DCAF6: variants seen among roughly 807,000 people sequenced by gnomAD.
DCAF6 encodes DDB1 and CUL4 associated factor 6, also known as DDB1- and CUL4-associated factor 6.
DCAF6 carries 54 observed loss-of-function variants against 125.1 expected under a neutral mutation model. The observed-to-expected ratio is 0.43, with a 90% CI of 0.35 to 0.54. DCAF6 has a LOEUF of 0.54. Among genes scored for constraint, DCAF6 ranks in the 20% least tolerant of loss-of-function variants. The pLI is 0.01. For missense variants in DCAF6, 934 were observed against 1,161.7 expected (o/e 0.80, Z 2.85); for synonymous variants, 371 against 390.4 (o/e 0.95, Z 0.58).
Position 167,937,030 on chromosome 1 carries a change from G to T in DCAF6, c.97+22G>T, listed in dbSNP as rs541832530. ...CTGGGTGAGCGGGGGCCCCGGGGCGGAGGCGCTGAGGTCGCCGCCTAGAGT... is the reference window on the plus strand; with the variant it reads ...CTGGGTGAGCGGGGGCCCCGGGGCGTAGGCGCTGAGGTCGCCGCCTAGAGT... On this transcript the variant is annotated intron_variant, in intron 1 of 21. Coordinates refer to ENST00000367840, the MANE Select transcript of DCAF6 (RefSeq NM_001198956.2). 603 of 1,589,234 alleles carry T rather than the reference G, an allele frequency of 3.8e-4. 7 individuals carry two copies. The South Asian group carries it at 6.5e-3, about 17-fold the overall frequency.
chr1:168,063,542 C>T, intron 17 of DCAF6, 79 bp from the exon 18 acceptor site: 3 of 1,229,950 alleles, frequency 2.4e-6, no homozygotes, highest in Non-Finnish European at 3.2e-6. Flanking sequence ...CCTAGACTTA[C>T]TATATTTTCA....
At chr1:168,015,657 A>G in intron 10 of DCAF6, 124 bp from the exon 11 acceptor site, 3 of 794,192 alleles carry the variant, frequency 3.8e-6, no homozygotes. Flanking sequence ...TAATTTGTTT[A>G]TAGTATTCCT....
intron 11 of DCAF6, 64 bp downstream of exon 11, chr1:168,016,015 A>G: frequency 1.6e-6 from 2 of 1,288,870 alleles, no homozygotes; most frequent in Non-Finnish European, 2.0e-6. Context: ...CTACTGTGTA[A>G]TAAGGTGCTT....
chr1:167,985,214 GT>G (rs1679813738), intron 4 of DCAF6, among the ~76,000 whole-genome samples: 1 of 148,328 alleles, frequency 6.7e-6, no homozygotes, highest in Non-Finnish European at 1.5e-5. Flanking sequence ...TGTGTGTGGT[GT>G]GTGTGTGTGT....
the DCAF6 span, chr1:167,918,268 C>A: frequency 7.2e-7 from 1 of 1,381,706 alleles, no homozygotes. Context: ...AAATAATAAA[C>A]TAGGTCCCAA....
At chr1:168,070,497 T>TA (rs1692892347) in intron 21 of DCAF6, among the ~76,000 whole-genome samples, 1 of 152,184 alleles carries the variant, frequency 6.6e-6, no homozygotes, top group African/African-American at 2.4e-5. Context: ...AGGGAATAGA[T>TA]ACGGACAGTT....
intron 17 of DCAF6, chr1:168,056,277 G>C (rs570528395): frequency 6.2e-7 from 1 of 1,610,484 alleles, no homozygotes; most frequent in South Asian, 1.1e-5. Context: ...TTTACGCACC[G>C]AGAGCAGAGC....
upstream of DCAF6, among the ~76,000 whole-genome samples, chr1:167,934,618 T>C (rs1671011807): frequency 2.0e-5 from 3 of 152,240 alleles, no homozygotes. Flanking sequence ...AAATCAGATT[T>C]AGTAACCAGT....
At chr1:167,932,243 T>C (rs185499835), upstream of DCAF6, among the ~76,000 whole-genome samples, 30 of 152,288 alleles carry the variant, frequency 2.0e-4, no homozygotes, top group African/African-American at 7.0e-4. Flanking sequence ...AATTTGAGTA[T>C]ACATCCTGTT....
rs1461009048 is a variant in DCAF6 at position 168,015,909 on chromosome 1, C to G, written c.1507C>G (p.Gln503Glu). The change falls in exon 11 of 22, where the codon CAG (glutamine) becomes GAG (glutamate). Residue 503 changes from glutamine (Q) to glutamate (E), a missense_variant. By Grantham distance (29) the Gln-to-Glu change is conservative. Transcript: ENST00000367840. The part of the protein sequence containing the change: ...HTQQQPSTSD[Q>E]SSHEGSSQDP... ...CCAGCAACAGCCTTCCACTTCTGAT[C>G]AGTCTTCTCATGAGGGCTCTTCACA... 1 of 1,539,092 alleles carries G rather than the reference C, an allele frequency of 6.5e-7. No homozygotes were observed. The highest frequency in any genetic ancestry group is 8.8e-7 in the Non-Finnish European group (1 of 1,141,262).
At chr1:167,983,389 C>T (rs1258970802) in intron 4 of DCAF6, among the ~76,000 whole-genome samples, 4 of 152,130 alleles carry the variant, frequency 2.6e-5, no homozygotes, top group Admixed American at 2.6e-4. Context: ...AATCTGCATT[C>T]TTTTTCAGGT....
intron 2 of DCAF6, among the ~76,000 whole-genome samples, chr1:167,954,347 G>A (rs1390717942): frequency 6.6e-6 from 1 of 151,910 alleles, no homozygotes; most frequent in African/African-American, 2.4e-5. Flanking sequence ...CACTTCAGCT[G>A]GTAAGACTGT....
At chr1:167,961,134 C>G (rs964851155) in intron 2 of DCAF6, among the ~76,000 whole-genome samples, 1 of 152,044 alleles carries the variant, frequency 6.6e-6, no homozygotes, top group Non-Finnish European at 1.5e-5. Flanking sequence ...AATTCAAATT[C>G]CACTTGTTCA....
intron 2 of DCAF6, among the ~76,000 whole-genome samples, chr1:167,954,174 T>G (rs779397634): frequency 4.0e-5 from 6 of 151,868 alleles, no homozygotes; most frequent in Non-Finnish European, 2.9e-5. Flanking sequence ...CCTGGCTAAT[T>G]TTTGAATTTC....
At chr1:168,029,811 TCTATGAAAAACA>T (rs772458678) in intron 12 of DCAF6, among the ~76,000 whole-genome samples, 19 of 151,828 alleles carry the variant, frequency 1.3e-4, no homozygotes, top group Admixed American at 7.9e-4. Flanking sequence ...AAACCCCGTC[TCTATGAAAAACA>T]CAAAAAATTA....
chr1:167,993,579 G>A lies in DCAF6; in HGVS notation c.903+139G>A, dbSNP rs184116384. The A allele has an allele frequency of 1.6e-5, 10 of 639,416 alleles. No homozygotes were observed. In the Admixed American group the frequency reaches 1.8e-4, roughly 11 times the overall value. The allele number at this position is 639,416 out of a possible 1,614,324, so 39.6% of individuals were successfully genotyped here. On this transcript the variant is annotated intron_variant, in intron 7 of 21. Coordinates refer to ENST00000367840, the MANE Select transcript of DCAF6 (RefSeq NM_001198956.2). ...AGCCTGACCAACATGGAGAAACCCC[G>A]TCTTTACTAAAAACACAAAATTAGC... is the stretch of plus-strand genomic sequence containing the variant.
the DCAF6 span, chr1:167,899,365 C>A: frequency 6.4e-7 from 1 of 1,551,646 alleles, no homozygotes; most frequent in Admixed American, 1.7e-5. Context: ...ACTCTTCTGG[C>A]AGGGGGCCTC....
chr1:167,991,003 G>C (rs1432465122), intron 5 of DCAF6, among the ~76,000 whole-genome samples: 1 of 151,968 alleles, frequency 6.6e-6, no homozygotes, highest in Non-Finnish European at 1.5e-5. Flanking sequence ...CACATAGGCT[G>C]AATGTATTAG....
Position 167,979,115 on chromosome 1 carries a change from A to C in DCAF6, c.438+4100A>C, listed in dbSNP as rs1216825990. ...TCTTTAGCATTTAGATCTGTAATCT[A>C]TCTGGATTTGACTTTTGTTATAGTA... On this transcript the variant is annotated intron_variant, in intron 4 of 21. Coordinates refer to ENST00000367840, the MANE Select transcript of DCAF6 (RefSeq NM_001198956.2). 6.6e-5 allele frequency among the ~76,000 whole-genome samples: 10 copies of C among 152,150 alleles called. No individual in the cohort carries two copies. In the East Asian group the frequency reaches 1.9e-3, roughly 29 times the overall value.
Sources: gnomAD v4.1 joint callset for allele counts (sites outside exome capture counted in the v4.1 genomes callset) on GRCh38, gnomAD v4.1.1 for gene constraint, MANE v1.5 for transcripts, NCBI Gene and HGNC (gene_info 2026-07-23, HGNC 2026-07-21) for gene names.